The following MGA variants were observed in gnomAD, a reference collection of about 807,000 sequenced individuals.
The protein encoded by MGA is MAX gene-associated protein.
Under a neutral mutation model 261.1 loss-of-function variants are expected in MGA, and 40 were observed. The ratio of observed to expected loss-of-function variants is 0.15; its 90% CI spans 0.12 to 0.20. MGA has a LOEUF of 0.20. MGA is among the 10% of genes least tolerant of loss of function. MGA has a pLI of 1.00. For synonymous variants in MGA, 1,302 were observed against 1,290.6 expected, an observed-to-expected ratio of 1.01 and a Z score of -0.19; for missense variants, 3,397 against 3,630.5, an observed-to-expected ratio of 0.94 and a Z score of 1.65.
intron 5 of MGA, among the ~76,000 whole-genome samples, chr15:41,703,370 C>CA (rs976369912): frequency 4.6e-5 from 6 of 129,522 alleles, no homozygotes; most frequent in Admixed American, 1.5e-4. Context: ...GTGAAGTTAC[C>CA]CCCCCCCCCA....
At chr15:41,726,474 A>C (rs928487397) in intron 9 of MGA, among the ~76,000 whole-genome samples, 7 of 152,202 alleles carry the variant, frequency 4.6e-5, no homozygotes, top group African/African-American at 1.7e-4. Context: ...CACAACTGTA[A>C]TCTGGCACTG....
At chr15:41,715,063 C>T (rs1298765011) in intron 9 of MGA, among the ~76,000 whole-genome samples, 1 of 150,810 alleles carries the variant, frequency 6.6e-6, no homozygotes, top group African/African-American at 2.4e-5. Context: ...GTTCCCTCCC[C>T]CACTGCCCAC....
intron 1 of MGA, among the ~76,000 whole-genome samples, chr15:41,649,300 G>T (rs1423649618): frequency 2.0e-5 from 3 of 151,400 alleles, no homozygotes; most frequent in Non-Finnish European, 4.4e-5. Context: ...AGAATCGCTT[G>T]AACCTGGGTG....
chr15:41,649,539 C>T (rs1039490563), intron 1 of MGA, among the ~76,000 whole-genome samples: 1 of 152,020 alleles, frequency 6.6e-6, no homozygotes, highest in African/African-American at 2.4e-5. Flanking sequence ...TCAGGAAGGT[C>T]AGTGATGTAG....
intron 1 of MGA, among the ~76,000 whole-genome samples, chr15:41,650,560 C>T (rs569693769): frequency 6.6e-6 from 1 of 152,274 alleles, no homozygotes; most frequent in Admixed American, 6.5e-5. Context: ...GTCTCAGCCT[C>T]CCGAGTAAAT....
chr15:41,699,212 AC>A, intron 5 of MGA, 53 bp downstream of exon 5: 1 of 1,173,352 alleles, frequency 8.5e-7, no homozygotes, highest in Non-Finnish European at 1.2e-6. Context: ...TTTCTTCCCT[AC>A]TGTTTCTCCT....
rs569654804 is a variant in MGA, at chr15:41,737,706, C to T, written c.4434+1008C>T. 2.1e-3 allele frequency among the ~76,000 whole-genome samples: 323 copies of T among 152,200 alleles called. 1 individual carries two copies. Among genetic ancestry groups the T allele is most frequent in the African/African-American group, 7.5e-3 (310 of 41,532 alleles). ...GTCAGAAAAGGTTTTTCTAGCTGAG[C>T]GCAGTGGCTTACGCCTGTAATCCCA... On this transcript the variant is annotated intron_variant, in intron 13 of 23. Coordinates refer to ENST00000219905, the MANE Select transcript of MGA (RefSeq NM_001164273.2).
chr15:41,664,320 A>C (rs965713782), intron 1 of MGA, among the ~76,000 whole-genome samples: 4 of 152,244 alleles, frequency 2.6e-5, no homozygotes, highest in African/African-American at 9.6e-5. Flanking sequence ...TGTAAAATTT[A>C]CTTCAAGTGC....
Position 41,757,962 on chromosome 15 carries a change from G to A in MGA, c.7191+123G>A, listed in dbSNP as rs2063238443. On this transcript the variant is annotated intron_variant, in intron 19 of 23. Transcript: ENST00000219905. ...TTCTCAGGGCTATTTTTGCCAGTGAGTTAATATAATCAGTTTTTTCTCCTT... is the reference window on the plus strand; with the variant it reads ...TTCTCAGGGCTATTTTTGCCAGTGAATTAATATAATCAGTTTTTTCTCCTT... The A allele has an allele frequency of 4.2e-6, 3 of 710,076 alleles. No individual in the cohort carries two copies. The South Asian group carries it at 6.1e-5, about 14-fold the overall frequency. The allele number at this position is 710,076 out of a possible 1,614,324, so 44.0% of individuals were successfully genotyped here.
In MGA at chr15:41,758,791, C is replaced by T. The variant is rs547067375; in HGVS notation, c.7191+952C>T. On this transcript the variant is annotated intron_variant, in intron 19 of 23. Coordinates refer to ENST00000219905, the MANE Select transcript of MGA (RefSeq NM_001164273.2). ...GCTTTTACATTAGAGTTTTTGGTTACGGTCAGAGTTACGATTAAGCAAACA... is the reference window on the plus strand; with the variant it reads ...GCTTTTACATTAGAGTTTTTGGTTATGGTCAGAGTTACGATTAAGCAAACA... Among the ~76,000 whole-genome samples the T allele has an allele frequency of 3.9e-5, 6 of 152,082 alleles. No individual in the cohort carries two copies. In the South Asian group the frequency reaches 6.2e-4, roughly 16 times the overall value.
upstream of MGA, among the ~76,000 whole-genome samples, chr15:41,655,786 A>G (rs1219725390): frequency 6.6e-6 from 1 of 152,206 alleles, no homozygotes; most frequent in Non-Finnish European, 1.5e-5. Flanking sequence ...ACTGGGTGCT[A>G]GTTTTTTAAA....
intron 2 of MGA, among the ~76,000 whole-genome samples, chr15:41,676,400 C>T (rs536883799): frequency 2.0e-5 from 3 of 152,336 alleles, no homozygotes; most frequent in South Asian, 2.1e-4. Context: ...ATGATCTGCC[C>T]GCCTTGGCCT....
rs1248518145 is a variant in MGA at position 41,750,220 on chromosome 15, A to G, written c.6613A>G (p.Thr2205Ala). ...GGCAGACGAGCAGTTAATTAAAGAA[A>G]CAAAGACATGTCAGGAAAATTCAGA... Residue 2205 changes from threonine to alanine, a missense_variant, in exon 17 of 24, where the codon ACA (threonine) becomes GCA (alanine). Physicochemically the swap from Thr to Ala is moderately conservative, Grantham distance 58. Transcript: ENST00000219905. 6.2e-7 allele frequency: 1 copy of G among 1,613,976 alleles called. No individual in the cohort carries two copies.
intron 11 of MGA, among the ~76,000 whole-genome samples, chr15:41,732,171 C>T (rs1437904478): frequency 2.0e-5 from 3 of 146,582 alleles, no homozygotes; most frequent in Admixed American, 6.9e-5. Flanking sequence ...TTTTTGGAGA[C>T]GAATTCTCGC....
chr15:41,706,585 C>CT (rs11407130), intron 5 of MGA, among the ~76,000 whole-genome samples: 77,909 of 136,034 alleles, frequency 0.57, 23,116 homozygotes, highest in East Asian at 0.96. Context: ...TTTTTTTTCC[C>CT]TTTTTTTTTT....
chr15:41,656,139 C>T (rs2057163809), upstream of MGA, among the ~76,000 whole-genome samples: 1 of 152,066 alleles, frequency 6.6e-6, no homozygotes, highest in African/African-American at 2.4e-5. Flanking sequence ...GAGCATATAA[C>T]TGGAAGACCT....
intron 22 of MGA, 34 bp downstream of exon 22, chr15:41,762,396 G>GAT: frequency 2.1e-6 from 3 of 1,455,384 alleles, no homozygotes; most frequent in Non-Finnish European, 2.8e-6. Context: ...CCTTAATGTA[G>GAT]ATATACATCA....
intron 1 of MGA, among the ~76,000 whole-genome samples, chr15:41,645,502 T>C (rs958687121): frequency 2.0e-5 from 3 of 152,168 alleles, no homozygotes; most frequent in African/African-American, 7.2e-5. Flanking sequence ...GAGAATCTCT[T>C]GAACCTGGGA....
intron 15 of MGA, among the ~76,000 whole-genome samples, chr15:41,744,708 C>A (rs549518280): frequency 2.6e-4 from 40 of 152,266 alleles, no homozygotes; most frequent in African/African-American, 8.9e-4. Context: ...ACTCTTAATT[C>A]TTTCATGAAA....
Sources: allele counts gnomAD v4.1 joint callset (sites outside exome capture counted in the v4.1 genomes callset), GRCh38; gene constraint gnomAD v4.1.1; transcripts MANE v1.5; gene names NCBI Gene and HGNC (gene_info 2026-07-23, HGNC 2026-07-21).